Variants in GOLGA4 observed in about 807,000 individuals in gnomAD.
The protein encoded by GOLGA4 is golgin subfamily A member 4.
In GOLGA4, 169 loss-of-function variants were observed where a neutral mutation model predicts 265.9. The ratio of observed to expected loss-of-function variants is 0.64; its 90% CI spans 0.56 to 0.72. The LOEUF is 0.72. GOLGA4 is among the 30% of genes least tolerant of loss of function. GOLGA4 has a pLI of 0.00. For synonymous variants in GOLGA4, 923 were observed against 855.8 expected (o/e 1.08, Z -1.37); for missense variants, 2,482 against 2,483.4 (o/e 1.00, Z 0.01).
chr3:37,338,452 T>C (rs545808270), intron 19 of GOLGA4, among the ~76,000 whole-genome samples: 1 of 152,218 alleles, frequency 6.6e-6, no homozygotes, highest in Non-Finnish European at 1.5e-5. Context: ...AATGTGACTT[T>C]ATTTTTTTGT....
intron 21 of GOLGA4, among the ~76,000 whole-genome samples, chr3:37,352,813 A>C (rs1319430899): frequency 6.6e-6 from 1 of 152,058 alleles, no homozygotes; most frequent in Non-Finnish European, 1.5e-5. Context: ...CTGAAGTAGC[A>C]CTTTTAATTT....
At chr3:37,262,684 C>T (rs2096773181) in intron 2 of GOLGA4, among the ~76,000 whole-genome samples, 1 of 151,988 alleles carries the variant, frequency 6.6e-6, no homozygotes, top group African/African-American at 2.4e-5. Context: ...AGGTGGATTG[C>T]TAGAGCCCAG....
intron 10 of GOLGA4, among the ~76,000 whole-genome samples, chr3:37,314,597 C>T (rs555123357): frequency 2.0e-4 from 30 of 151,606 alleles, no homozygotes; most frequent in Non-Finnish European, 3.2e-4. Context: ...GCTGAGATCG[C>T]ACCACTGCAC....
intron 23 of GOLGA4, among the ~76,000 whole-genome samples, chr3:37,365,677 G>A (rs1034316659): frequency 2.6e-5 from 4 of 152,156 alleles, no homozygotes; most frequent in Non-Finnish European, 5.9e-5. Flanking sequence ...AATGGTTGCA[G>A]TTCCAAATTT....
At chr3:37,294,778 A>G (rs563805181) in intron 5 of GOLGA4, among the ~76,000 whole-genome samples, 1 of 152,296 alleles carries the variant, frequency 6.6e-6, no homozygotes, top group East Asian at 1.9e-4. Flanking sequence ...TTGGATCTTC[A>G]TATTCTTTAA....
In GOLGA4 at chr3:37,326,833, T is replaced by C; in HGVS notation, c.4947T>C (p.Ala1649=). Residue 1649 remains alanine (A), a synonymous_variant, in exon 14 of 24, where the codon GCT becomes GCC. Transcript: ENST00000361924. ...AGAGAAAAGCTGAACAAAAAATTGCTGCCATTAAGAAGCAGTTGTTATCTC... is the reference window on the plus strand; with the variant it reads ...AGAGAAAAGCTGAACAAAAAATTGCCGCCATTAAGAAGCAGTTGTTATCTC... ...ELKRKAEQKI[A]AIKKQLLSQM... is the part of the protein sequence containing the mutation. 1 of 1,613,626 alleles carries C rather than the reference T, an allele frequency of 6.2e-7. No homozygotes were observed. The highest frequency in any genetic ancestry group is 8.5e-7 in the Non-Finnish European group (1 of 1,179,802).
At chr3:37,252,131 TC>T (rs2096735576) in intron 2 of GOLGA4, among the ~76,000 whole-genome samples, 1 of 1,650 alleles carries the variant, frequency 6.1e-4, no homozygotes, top group East Asian at 0.033. Flanking sequence ...ACTCATTATT[TC>T]CCACTTTTTT....
chr3:37,325,721 A>G lies in GOLGA4; in HGVS notation c.3835A>G (p.Arg1279Gly). The change falls in exon 14 of 24, where the codon AGA (arginine) becomes GGA (glycine). Residue 1279 changes from arginine (R) to glycine (G), a missense_variant. Physicochemically the swap from Arg to Gly is moderately radical, Grantham distance 125. This residue lies in a region of GOLGA4 where 1,536 missense variants were observed against 1,483.7 expected (regional missense o/e 1.04). Transcript: ENST00000361924. ...CTVSELEAQL[R>G]QLTEEQNTLN... Reference sequence around the variant, plus strand: ...AGTTTCTGAATTAGAAGCACAACTTAGACAGTTGACAGAGGAGCAAAATAC... The same window carrying G: ...AGTTTCTGAATTAGAAGCACAACTTGGACAGTTGACAGAGGAGCAAAATAC... 1.2e-6 allele frequency: 2 copies of G among 1,613,344 alleles called. No homozygotes were observed. The highest frequency in any genetic ancestry group is 1.7e-6 in the Non-Finnish European group (2 of 1,179,264).
At chr3:37,307,178 G>A (rs2096908703) in intron 10 of GOLGA4, among the ~76,000 whole-genome samples, 1 of 152,024 alleles carries the variant, frequency 6.6e-6, no homozygotes, top group African/African-American at 2.4e-5. Context: ...ATGATTGGTG[G>A]CATTTAAAAA....
At chr3:37,315,650 G>A (rs781675575) in intron 11 of GOLGA4, 52 bp downstream of exon 11, 22 of 1,426,334 alleles carry the variant, frequency 1.5e-5, no homozygotes, top group Non-Finnish European at 2.0e-5. Context: ...AAATTTAAGT[G>A]TATTTTTCCT....
At chr3:37,289,736 A>T (rs954167371) in intron 5 of GOLGA4, among the ~76,000 whole-genome samples, 4 of 152,248 alleles carry the variant, frequency 2.6e-5, no homozygotes, top group Admixed American at 2.6e-4. Flanking sequence ...TTGCCATCGG[A>T]GTAGGCAAGA....
chr3:37,328,284 T>TCACTCTCACA (rs762262536), intron 14 of GOLGA4, 132 bp from the exon 15 acceptor site: 6 of 368,406 alleles, frequency 1.6e-5, no homozygotes, highest in Non-Finnish European at 3.3e-5. Flanking sequence ...TCTCACACTC[T>TCACTCTCACA]CTCTCTCTCT....
intron 21 of GOLGA4, among the ~76,000 whole-genome samples, chr3:37,354,372 C>T (rs1364142052): frequency 6.6e-6 from 1 of 152,048 alleles, no homozygotes; most frequent in Non-Finnish European, 1.5e-5. Flanking sequence ...TAAGTGGTAT[C>T]TTCTTTCCTC....
chr3:37,258,114 G>T (rs1578375080), intron 2 of GOLGA4, among the ~76,000 whole-genome samples: 1 of 132,444 alleles, frequency 7.6e-6, no homozygotes, highest in African/African-American at 3.0e-5. Flanking sequence ...ATATATATAT[G>T]TGTGTATATA....
At chr3:37,291,848 A>G (rs1389527553) in intron 5 of GOLGA4, among the ~76,000 whole-genome samples, 1 of 152,136 alleles carries the variant, frequency 6.6e-6, no homozygotes, top group Non-Finnish European at 1.5e-5. Flanking sequence ...GGAAATATTA[A>G]TACTTATCAG....
intron 12 of GOLGA4, 138 bp downstream of exon 12, chr3:37,319,332 G>T: frequency 1.7e-6 from 1 of 582,556 alleles, no homozygotes; most frequent in Non-Finnish European, 3.0e-6. Flanking sequence ...AGGATAGAGA[G>T]TAGGCAAGCT....
At position 37,314,115 on chromosome 3, in the gene GOLGA4, T is replaced by A. The variant is rs187747970; in HGVS notation, c.1235-1305T>A. Among the ~76,000 whole-genome samples, 313 of 152,134 alleles carry A rather than the reference T, an allele frequency of 2.1e-3. 2 individuals are homozygous for A. The highest frequency in any genetic ancestry group is 7.4e-3 in the African/African-American group (308 of 41,532). ...TTCCAAGTAGCTGGGATTACAGGCA[T>A]GTGCTACCACACCAGGCTAATTTTT... On this transcript the variant is annotated intron_variant, in intron 10 of 23. Coordinates refer to ENST00000361924, the MANE Select transcript of GOLGA4 (RefSeq NM_002078.5).
chr3:37,307,367 A>T (rs2096909157), intron 10 of GOLGA4, among the ~76,000 whole-genome samples: 1 of 152,254 alleles, frequency 6.6e-6, no homozygotes, highest in South Asian at 2.1e-4. Context: ...AATAATGTGT[A>T]AGATTTATGC....
chr3:37,288,842 CTGT>C (rs1440018790), intron 4 of GOLGA4, among the ~76,000 whole-genome samples: 5 of 152,162 alleles, frequency 3.3e-5, no homozygotes, highest in Non-Finnish European at 5.9e-5. Context: ...TTAGAACAGG[CTGT>C]TAATTGATGT....
Sources: allele counts gnomAD v4.1 joint callset (sites outside exome capture counted in the v4.1 genomes callset), GRCh38; gene constraint gnomAD v4.1.1; regional missense constraint gnomAD v4.1.1; transcripts MANE v1.5; gene names NCBI Gene and HGNC (gene_info 2026-07-23, HGNC 2026-07-21).